The following CDYL variants were observed in gnomAD, a reference collection of about 807,000 sequenced individuals.
CDYL encodes the protein chromodomain Y-like protein.
A neutral mutation model predicts 47.3 loss-of-function variants in CDYL; 8 were observed. The observed-to-expected ratio is 0.17, with a 90% CI of 0.10 to 0.31. CDYL has a LOEUF of 0.31. Ranked by LOEUF, CDYL falls within the 10% of genes least tolerant of loss-of-function variation. CDYL has a pLI of 1.00. For synonymous variants in CDYL, 266 were observed against 265.0 expected (o/e 1.00, Z -0.04); for missense variants, 471 against 701.4 (o/e 0.67, Z 3.71).
At chr6:4,727,617 T>C (rs563871739) in intron 2 of CDYL, among the ~76,000 whole-genome samples, 32 of 66,874 alleles carry the variant, frequency 4.8e-4, no homozygotes, top group African/African-American at 1.6e-3. Context: ...CCAAATGAAA[T>C]TAAATTTCTC....
At chr6:4,713,448 G>A (rs12202237) in intron 1 of CDYL, among the ~76,000 whole-genome samples, 5,033 of 152,206 alleles carry the variant, frequency 0.033, 95 homozygotes, top group Non-Finnish European at 0.053. Context: ...TGAAACTGAC[G>A]AAAAGTCAAA....
intron 1 of CDYL, among the ~76,000 whole-genome samples, chr6:4,856,823 A>G (rs1761022561): frequency 6.6e-6 from 1 of 152,180 alleles, no homozygotes; most frequent in Non-Finnish European, 1.5e-5. Flanking sequence ...AAAAGTCAAG[A>G]AGATAATAGA....
At chr6:4,730,705 A>C (rs771229295) in intron 2 of CDYL, among the ~76,000 whole-genome samples, 1 of 146,208 alleles carries the variant, frequency 6.8e-6, no homozygotes, top group African/African-American at 2.5e-5. Context: ...AAAAAAGAAC[A>C]TACCTCTTTC....
intron 3 of CDYL, among the ~76,000 whole-genome samples, chr6:4,747,183 T>C (rs958949690): frequency 4.0e-5 from 6 of 151,890 alleles, no homozygotes; most frequent in Non-Finnish European, 8.8e-5. Context: ...GGCGGGCACC[T>C]GTAATCCCAG....
intron 1 of CDYL, among the ~76,000 whole-genome samples, chr6:4,816,246 G>T (rs889205982): frequency 6.8e-6 from 1 of 147,300 alleles, no homozygotes; most frequent in Non-Finnish European, 1.5e-5. Flanking sequence ...AATCTCTCGC[G>T]TCCCTGTTTT....
At chr6:4,715,893 C>T in intron 2 of CDYL, 30 of 1,611,766 alleles carry the variant, frequency 1.9e-5, no homozygotes, top group South Asian at 3.3e-5. Context: ...TAAGAACTTG[C>T]AGGAATCAAA....
rs137885575 is a variant in CDYL, at chr6:4,903,039, G to A, written c.691+10660G>A. Among the ~76,000 whole-genome samples the A allele has an allele frequency of 2.3e-3, 349 of 152,312 alleles. 2 individuals carry two copies. Among genetic ancestry groups the A allele is most frequent in the African/African-American group, 7.6e-3 (314 of 41,564 alleles). Reference sequence around the variant, plus strand: ...GCTTCATTAACATTTGCGTGTACATGAGTGAGTTGTTGGAGGAATTTTTAT... The same window carrying A: ...GCTTCATTAACATTTGCGTGTACATAAGTGAGTTGTTGGAGGAATTTTTAT... On this transcript the variant is annotated intron_variant, in intron 2 of 6. Transcript: ENST00000397588.
chr6:4,827,953 C>A (rs190945983), intron 1 of CDYL, among the ~76,000 whole-genome samples: 2 of 152,188 alleles, frequency 1.3e-5, no homozygotes, highest in African/African-American at 4.8e-5. Flanking sequence ...TCGCACCCAG[C>A]CTGTGTATTT....
Position 4,874,466 on chromosome 6 carries a change from C to T in CDYL, c.25-17247C>T, listed in dbSNP as rs918659549. ...GGAAGCTCTGCCTGTGAGGACCCCACGCTCTCTGAAAACCCAGCTGCAGTG... is the reference window on the plus strand; with the variant it reads ...GGAAGCTCTGCCTGTGAGGACCCCATGCTCTCTGAAAACCCAGCTGCAGTG... On this transcript the variant is annotated intron_variant, in intron 1 of 6. Coordinates refer to ENST00000397588, the MANE Select transcript of CDYL (RefSeq NM_004824.4). 8.5e-5 allele frequency among the ~76,000 whole-genome samples: 13 copies of T among 152,296 alleles called. No homozygotes were observed. The East Asian group carries it at 2.3e-3, about 27-fold the overall frequency.
chr6:4,825,519 A>G (rs968769734), intron 1 of CDYL, among the ~76,000 whole-genome samples: 1 of 152,156 alleles, frequency 6.6e-6, no homozygotes, highest in Non-Finnish European at 1.5e-5. Flanking sequence ...GTTCTCTTCT[A>G]TTCCCAGTGT....
At chr6:4,887,959 AT>A (rs760547370) in intron 1 of CDYL, among the ~76,000 whole-genome samples, 5 of 146,286 alleles carry the variant, frequency 3.4e-5, no homozygotes, top group South Asian at 4.3e-4. Context: ...ACAATATGTG[AT>A]TTTTTCCCCT....
chr6:4,899,170 C>T (rs1326368286), intron 2 of CDYL, among the ~76,000 whole-genome samples: 1 of 152,150 alleles, frequency 6.6e-6, no homozygotes, highest in Non-Finnish European at 1.5e-5. Flanking sequence ...GTAATCATCC[C>T]CTGTTGTATG....
chr6:4,747,323 A>AT (rs398000252), intron 3 of CDYL, among the ~76,000 whole-genome samples: 1,989 of 151,372 alleles, frequency 0.013, 42 homozygotes, highest in African/African-American at 0.046. Context: ...AAAAAAAAAA[A>AT]TCATGGGCAT....
chr6:4,723,628 T>C (rs1201528462), intron 2 of CDYL, among the ~76,000 whole-genome samples: 2 of 152,132 alleles, frequency 1.3e-5, no homozygotes, highest in African/African-American at 4.8e-5. Flanking sequence ...AGACTAGCAC[T>C]GTGCCTCCCA....
chr6:4,841,364 C>A (rs955736741), intron 1 of CDYL, among the ~76,000 whole-genome samples: 1 of 151,800 alleles, frequency 6.6e-6, no homozygotes, highest in Non-Finnish European at 1.5e-5. Flanking sequence ...TTTCATTTAC[C>A]TTTTGTATTT....
intron 1 of CDYL, among the ~76,000 whole-genome samples, chr6:4,868,717 G>C (rs985213488): frequency 6.6e-6 from 1 of 152,158 alleles, no homozygotes; most frequent in Non-Finnish European, 1.5e-5. Context: ...GTTATTGATA[G>C]TGGGCTATTG....
intron 2 of CDYL, among the ~76,000 whole-genome samples, chr6:4,902,115 G>A (rs1241080558): frequency 6.6e-6 from 1 of 152,092 alleles, no homozygotes; most frequent in African/African-American, 2.4e-5. Flanking sequence ...AATGGCAATA[G>A]AGGCCGGGTG....
chr6:4,850,258 T>A (rs1040363332), intron 1 of CDYL, among the ~76,000 whole-genome samples: 1 of 152,324 alleles, frequency 6.6e-6, no homozygotes, highest in Non-Finnish European at 1.5e-5. Flanking sequence ...GGGATATAGC[T>A]AGATTTTAGA....
At chr6:4,894,961 A>G (rs1287623316) in intron 2 of CDYL, among the ~76,000 whole-genome samples, 5 of 147,858 alleles carry the variant, frequency 3.4e-5, no homozygotes, top group East Asian at 1.9e-4. Flanking sequence ...GTGTATATAT[A>G]CGTATGTGTA....
Sources: allele counts gnomAD v4.1 joint callset (sites outside exome capture counted in the v4.1 genomes callset), GRCh38; gene constraint gnomAD v4.1.1; transcripts MANE v1.5; gene names NCBI Gene and HGNC (gene_info 2026-07-23, HGNC 2026-07-21).